SORCS2: variants seen among roughly 807,000 people sequenced by gnomAD.
SORCS2 encodes VPS10 domain-containing receptor SorCS2.
In SORCS2, 100 loss-of-function variants were observed where a neutral mutation model predicts 141.6. That is an observed-to-expected ratio of 0.71 (90% CI 0.60 to 0.83). SORCS2 has a LOEUF of 0.83. Among genes scored for constraint, SORCS2 ranks in the 40% least tolerant of loss-of-function variants. The pLI is 0.00. For missense variants in SORCS2, 1,646 were observed against 1,560.2 expected (o/e 1.05, Z -0.93); for synonymous variants, 789 against 676.9 (o/e 1.17, Z -2.57).
chr4:7,527,821 G>C (rs1361730015), intron 2 of SORCS2, among the ~76,000 whole-genome samples: 2 of 152,170 alleles, frequency 1.3e-5, no homozygotes, highest in African/African-American at 4.8e-5. Flanking sequence ...GGGAGATGTA[G>C]GGGTGGAATT....
intron 1 of SORCS2, among the ~76,000 whole-genome samples, chr4:7,368,921 T>G (rs1018641583): frequency 2.1e-4 from 32 of 152,258 alleles, no homozygotes; most frequent in Admixed American, 1.6e-3. Flanking sequence ...AACTGGAGTT[T>G]CCCTTGCACG....
chr4:7,622,767 T>G (rs1719287293), intron 3 of SORCS2, among the ~76,000 whole-genome samples: 1 of 152,128 alleles, frequency 6.6e-6, no homozygotes. Context: ...TCCACGAGAT[T>G]GTAGAGAACC....
intron 3 of SORCS2, among the ~76,000 whole-genome samples, chr4:7,566,934 T>C (rs1028678921): frequency 6.6e-6 from 1 of 152,138 alleles, no homozygotes; most frequent in African/African-American, 2.4e-5. Context: ...ATGGCCTGGC[T>C]TACCTTAGTG....
At position 7,404,519 on chromosome 4, in the gene SORCS2, T is replaced by C. The variant is rs548186305; in HGVS notation, c.548+8164T>C. On this transcript the variant is annotated intron_variant, in intron 2 of 26. Transcript: ENST00000507866. Reference sequence around the variant, plus strand: ...CACATCCTCACCAACATCTGTTATTTTTTTGTCTTTTTATTAATACCCTTC... The same window carrying C: ...CACATCCTCACCAACATCTGTTATTCTTTTGTCTTTTTATTAATACCCTTC... 2.0e-5 allele frequency among the ~76,000 whole-genome samples: 3 copies of C among 152,286 alleles called. No individual in the cohort carries two copies. The South Asian group carries it at 6.2e-4, about 32-fold the overall frequency.
In SORCS2 at chr4:7,676,164, C is replaced by T. The variant is rs2108951422; in HGVS notation, c.1276C>T (p.Leu426=). 1 of 1,559,384 alleles carries T rather than the reference C, an allele frequency of 6.4e-7. No homozygotes were observed. The highest frequency in any genetic ancestry group is 1.4e-5 in the African/African-American group (1 of 73,504). Residue 426 remains leucine, a synonymous_variant, in exon 9 of 27, where the codon CTG becomes TTG. Transcript: ENST00000507866. ...GGACCCACGGGGCGTGCGCTACGCGCTGGTGCTGCAGGACGTGCGCAGCTC... is the reference window on the plus strand; with the variant it reads ...GGACCCACGGGGCGTGCGCTACGCGTTGGTGCTGCAGGACGTGCGCAGCTC... The part of the protein sequence containing the change: ...QSDPRGVRYA[L]VLQDVRSSRQ...
At chr4:7,610,734 T>A (rs985971917) in intron 3 of SORCS2, among the ~76,000 whole-genome samples, 8 of 152,062 alleles carry the variant, frequency 5.3e-5, no homozygotes, top group African/African-American at 1.9e-4. Context: ...GAGCAATTGA[T>A]CTAACAAAGG....
chr4:7,691,137 C>T (rs919101415), intron 11 of SORCS2, among the ~76,000 whole-genome samples: 3 of 152,228 alleles, frequency 2.0e-5, no homozygotes, highest in African/African-American at 7.2e-5. Flanking sequence ...TCCATTTCCC[C>T]CAGCACCATC....
chr4:7,437,081 C>T, intron 2 of SORCS2, among the ~76,000 whole-genome samples: 1 of 152,148 alleles, frequency 6.6e-6, no homozygotes, highest in East Asian at 1.9e-4. Flanking sequence ...CCTGTAATTC[C>T]TTTCAGTTCT....
intron 2 of SORCS2, among the ~76,000 whole-genome samples, chr4:7,466,570 C>G (rs528639067): frequency 6.6e-6 from 1 of 152,200 alleles, no homozygotes; most frequent in African/African-American, 2.4e-5. Context: ...CTCCCTCTGG[C>G]TGCAGTGGAA....
intron 2 of SORCS2, among the ~76,000 whole-genome samples, chr4:7,514,943 G>A (rs1732882543): frequency 6.6e-6 from 1 of 152,160 alleles, no homozygotes; most frequent in Non-Finnish European, 1.5e-5. Flanking sequence ...TGTGTCCAAG[G>A]GCTCAGAGGT....
chr4:7,226,525 C>T (rs1232126819), intron 1 of SORCS2, among the ~76,000 whole-genome samples: 6 of 152,262 alleles, frequency 3.9e-5, no homozygotes, highest in South Asian at 2.1e-4. Context: ...TGAGGGGACT[C>T]ATCCGGAACA....
chr4:7,644,800 C>T (rs1560451809), intron 4 of SORCS2, among the ~76,000 whole-genome samples: 1 of 152,232 alleles, frequency 6.6e-6, no homozygotes, highest in Non-Finnish European at 1.5e-5. Flanking sequence ...CCTCACTCAC[C>T]ACCTCCACTG....
chr4:7,211,807 C>T (rs775034096), intron 1 of SORCS2, among the ~76,000 whole-genome samples: 1 of 151,572 alleles, frequency 6.6e-6, no homozygotes, highest in African/African-American at 2.4e-5. Context: ...AGAGGAGAGG[C>T]GGGGGGCCCC....
At chr4:7,227,553 G>T (rs1220730186) in intron 1 of SORCS2, among the ~76,000 whole-genome samples, 8 of 152,300 alleles carry the variant, frequency 5.3e-5, no homozygotes, top group African/African-American at 9.6e-5. Flanking sequence ...GGTGGAAGGT[G>T]GCAGGGGGCA....
intron 3 of SORCS2, among the ~76,000 whole-genome samples, chr4:7,603,158 G>A (rs1222597613): frequency 6.6e-6 from 1 of 151,850 alleles, no homozygotes; most frequent in Non-Finnish European, 1.5e-5. Flanking sequence ...GGAGAGAGAG[G>A]GAGAGGGAGA....
In SORCS2 at chr4:7,192,813, G is replaced by A. The variant is rs1294625788; in HGVS notation, c.167G>A (p.Gly56Glu). Residue 56 changes from glycine to glutamate, a missense_variant, in exon 1 of 27, where the codon GGG becomes GAG. Coordinates refer to ENST00000507866, the MANE Select transcript of SORCS2 (RefSeq NM_020777.3). This position sits in a 1 kb window ranked among gnomAD's most constrained non-coding sequence, Gnocchi z 4.0. ...CGAAGRSPEP[G>E]RLGPHAQLTR... ...GCGGCGGGGCGCTCCCCTGAGCCCGGGCGCCTGGGTCCTCACGCCCAACTG... is the reference window on the plus strand; with the variant it reads ...GCGGCGGGGCGCTCCCCTGAGCCCGAGCGCCTGGGTCCTCACGCCCAACTG... 31 of 1,027,180 alleles carry A rather than the reference G, an allele frequency of 3.0e-5. No individual in the cohort carries two copies. The South Asian group carries it at 1.2e-3, about 41-fold the overall frequency. The allele number at this position is 1,027,180 out of a possible 1,614,324, so 63.6% of individuals were successfully genotyped here.
At chr4:7,452,518 A>G (rs1343990731) in intron 2 of SORCS2, among the ~76,000 whole-genome samples, 1 of 151,914 alleles carries the variant, frequency 6.6e-6, no homozygotes, top group Non-Finnish European at 1.5e-5. Context: ...TCAAACACAC[A>G]TCACCCCCAA....
chr4:7,438,093 A>G (rs1727424757), intron 2 of SORCS2, among the ~76,000 whole-genome samples: 2 of 152,212 alleles, frequency 1.3e-5, no homozygotes, highest in Admixed American at 6.5e-5. Flanking sequence ...CCCACAGCCC[A>G]GTTCAGCTTT....
At chr4:7,707,811 G>A (rs937655443) in intron 14 of SORCS2, among the ~76,000 whole-genome samples, 1 of 152,222 alleles carries the variant, frequency 6.6e-6, no homozygotes, top group African/African-American at 2.4e-5. Flanking sequence ...GGAGACAGAC[G>A]CTCATGGGGA....
Sources: allele counts gnomAD v4.1 joint callset (sites outside exome capture counted in the v4.1 genomes callset), GRCh38; gene constraint gnomAD v4.1.1; non-coding constraint Gnocchi (gnomAD v3.1); transcripts MANE v1.5; gene names NCBI Gene and HGNC (gene_info 2026-07-23, HGNC 2026-07-21).